Variants in SNX7 observed in about 807,000 individuals in gnomAD.
The protein encoded by SNX7 is sorting nexin-7.
SNX7 carries 35 observed loss-of-function variants against 48.4 expected under a neutral mutation model. The observed-to-expected ratio is 0.72, with a 90% confidence interval of 0.55 to 0.96. The LOEUF is 0.96. Among genes scored for constraint, SNX7 ranks in the 40% least tolerant of loss-of-function variants. SNX7 has a pLI of 0.00. For synonymous variants in SNX7, 190 were observed against 190.2 expected (o/e 1.00, Z 0.01); for missense variants, 553 against 548.9 (o/e 1.01, Z -0.07).
At chr1:98,719,970 A>T (rs1652779467) in intron 7 of SNX7, among the ~76,000 whole-genome samples, 1 of 150,896 alleles carries the variant, frequency 6.6e-6, no homozygotes, top group South Asian at 2.1e-4. Context: ...TAACTGTCCC[A>T]GTCGTACCCG....
At chr1:98,699,528 G>A (rs1394047748) in intron 6 of SNX7, among the ~76,000 whole-genome samples, 1 of 152,042 alleles carries the variant, frequency 6.6e-6, no homozygotes, top group Admixed American at 6.6e-5. Context: ...ATTTTTCTGT[G>A]CCTACAATAC....
At chr1:98,714,193 T>G (rs1400154023) in intron 7 of SNX7, among the ~76,000 whole-genome samples, 1 of 152,204 alleles carries the variant, frequency 6.6e-6, no homozygotes, top group Non-Finnish European at 1.5e-5. Flanking sequence ...GCTATTCAAC[T>G]TTCAGAGAAT....
chr1:98,740,680 C>A (rs897908076), intron 8 of SNX7, among the ~76,000 whole-genome samples: 1 of 151,976 alleles, frequency 6.6e-6, no homozygotes, highest in Non-Finnish European at 1.5e-5. Flanking sequence ...TCAGTTTATA[C>A]AAAATGTTCC....
chr1:98,661,568 G>T (rs1342593144), upstream of SNX7: 4 of 590,414 alleles, frequency 6.8e-6, no homozygotes, highest in Non-Finnish European at 9.4e-6. Context: ...GGATGCGCCC[G>T]GCCCGGGCCA....
intron 1 of SNX7, among the ~76,000 whole-genome samples, chr1:98,678,962 CAAA>C (rs1557791443): frequency 6.6e-6 from 1 of 152,082 alleles, no homozygotes; most frequent in East Asian, 1.9e-4. Context: ...CTCAGGAAAA[CAAA>C]AACTGGGCTG....
intron 4 of SNX7, 119 bp from the exon 5 acceptor site, chr1:98,695,399 A>T: frequency 1.1e-6 from 1 of 881,878 alleles, no homozygotes; most frequent in Non-Finnish European, 1.7e-6. Context: ...ATTAAAAAAG[A>T]TTGATGCCTA....
At chr1:98,699,561 C>G (rs556195857) in intron 6 of SNX7, among the ~76,000 whole-genome samples, 79 of 152,224 alleles carry the variant, frequency 5.2e-4, no homozygotes, top group Non-Finnish European at 9.3e-4. Flanking sequence ...AATTGGCACC[C>G]TCAGTGTTTT....
At chr1:98,723,164 C>A (rs1183659131) in intron 7 of SNX7, among the ~76,000 whole-genome samples, 1 of 151,966 alleles carries the variant, frequency 6.6e-6, no homozygotes, top group Admixed American at 6.6e-5. Flanking sequence ...TAGCAAAAAA[C>A]AAAGACAAAA....
chr1:98,733,495 T>C (rs576970095), intron 7 of SNX7, among the ~76,000 whole-genome samples: 8 of 152,252 alleles, frequency 5.3e-5, no homozygotes, highest in African/African-American at 1.7e-4. Flanking sequence ...TGCCTGCCTC[T>C]CTGTCCTTTT....
intron 1 of SNX7, among the ~76,000 whole-genome samples, chr1:98,663,776 T>C (rs1357648048): frequency 2.6e-5 from 4 of 152,160 alleles, no homozygotes; most frequent in Non-Finnish European, 5.9e-5. Flanking sequence ...CCTTCCAAAC[T>C]CTAAAAGCCC....
At chr1:98,729,037 A>T (rs1322117030) in intron 7 of SNX7, among the ~76,000 whole-genome samples, 4 of 152,172 alleles carry the variant, frequency 2.6e-5, no homozygotes, top group African/African-American at 9.7e-5. Context: ...TCGATCACAT[A>T]ATTGGAAGTA....
rs116271580 is a variant in SNX7 at position 98,757,908 on chromosome 1, T to C, written c.1279-2146T>C. Among the ~76,000 whole-genome samples the C allele has an allele frequency of 7.1e-3, 1,084 of 152,218 alleles. 13 individuals are homozygous for C. Among genetic ancestry groups the C allele is most frequent in the African/African-American group, 0.025 (1,036 of 41,558 alleles). The stretch of plus-strand genomic sequence containing the variant: ...TGGGATCTACCTTTTGCTCATCTTT[T>C]AGTCTGCATTCAGTGATTACTTCCA... On this transcript the variant is annotated intron_variant, in intron 8 of 8. Coordinates refer to ENST00000306121, the MANE Select transcript of SNX7 (RefSeq NM_015976.5).
At chr1:98,759,941 G>A in intron 8 of SNX7, 113 bp from the exon 9 acceptor site, 1 of 666,094 alleles carries the variant, frequency 1.5e-6, no homozygotes, top group East Asian at 2.7e-5. Flanking sequence ...AAGCTGATGG[G>A]AGAGAAGAAT....
chr1:98,752,862 A>G (rs1321806028), intron 8 of SNX7, among the ~76,000 whole-genome samples: 1 of 152,046 alleles, frequency 6.6e-6, no homozygotes, highest in African/African-American at 2.4e-5. Flanking sequence ...GATCAGCCTG[A>G]TGCCCCTGCA....
intron 4 of SNX7, among the ~76,000 whole-genome samples, chr1:98,693,805 A>G (rs1370934636): frequency 6.6e-6 from 1 of 152,216 alleles, no homozygotes; most frequent in Non-Finnish European, 1.5e-5. Context: ...GGTAAATAAT[A>G]TATAATATTT....
chr1:98,740,982 A>G (rs766126873), intron 8 of SNX7, among the ~76,000 whole-genome samples: 2 of 152,156 alleles, frequency 1.3e-5, no homozygotes, highest in Non-Finnish European at 2.9e-5. Context: ...AACAAAATCA[A>G]GAAGTTGGAG....
intron 1 of SNX7, chr1:98,662,894 C>CT (rs1379949895): frequency 3.2e-6 from 4 of 1,236,036 alleles, no homozygotes; most frequent in Non-Finnish European, 4.2e-6. Flanking sequence ...CATGCATACT[C>CT]TGACTCCAAA....
chr1:98,758,180 C>T (rs1432992278), intron 8 of SNX7, among the ~76,000 whole-genome samples: 1 of 152,000 alleles, frequency 6.6e-6, no homozygotes, highest in African/African-American at 2.4e-5. Flanking sequence ...CCCCCCAAAT[C>T]ATGCATAGTT....
chr1:98,680,957 A>G (rs1213851001), intron 1 of SNX7, among the ~76,000 whole-genome samples: 1 of 152,168 alleles, frequency 6.6e-6, no homozygotes, highest in Admixed American at 6.5e-5. Flanking sequence ...GTATCTTTTC[A>G]GCAGTGCCCC....
Sources: gnomAD v4.1 joint callset for allele counts (sites outside exome capture counted in the v4.1 genomes callset) on GRCh38, gnomAD v4.1.1 for gene constraint, MANE v1.5 for transcripts, NCBI Gene and HGNC (gene_info 2026-07-23, HGNC 2026-07-21) for gene names.